UBXN2B: variants seen among roughly 807,000 people sequenced by gnomAD.
The protein encoded by UBXN2B is UBX domain-containing protein 2B.
A neutral mutation model predicts 37.5 loss-of-function variants in UBXN2B; 19 were observed. The ratio of observed to expected loss-of-function variants is 0.51; its 90% confidence interval spans 0.35 to 0.74. The LOEUF is 0.74. Among genes scored for constraint, UBXN2B ranks in the 30% least tolerant of loss-of-function variants. UBXN2B has a pLI of 0.01. For missense variants in UBXN2B, 370 were observed against 393.2 expected (o/e 0.94, Z 0.50); for synonymous variants, 145 against 143.8 (o/e 1.01, Z -0.06).
intron 2 of UBXN2B, among the ~76,000 whole-genome samples, chr8:58,418,388 G>A (rs1807840811): frequency 6.6e-6 from 1 of 151,326 alleles, no homozygotes; most frequent in Non-Finnish European, 1.5e-5. Flanking sequence ...TTCCTGTTTT[G>A]AATTTCTGAA....
chr8:58,449,623 G>C lies in UBXN2B; in HGVS notation c.*2072G>C, dbSNP rs1450707169. On this transcript the variant is annotated 3_prime_UTR_variant, in exon 8 of 8. Coordinates refer to ENST00000399598, the MANE Select transcript of UBXN2B (RefSeq NM_001077619.2). The stretch of plus-strand genomic sequence containing the variant: ...AGTTACACACGTTCCTGTTCAAAAA[G>C]CAGAAACAGATGGAAAAAGGAGCCA... 6.6e-6 allele frequency: 1 copy of C among 152,202 alleles called. No homozygotes were observed. The highest frequency in any genetic ancestry group is 1.9e-4 in the East Asian group (1 of 5,200). The allele number at this position is 152,202 out of a possible 1,614,324, so 9.4% of individuals were successfully genotyped here. A position where few individuals can be genotyped will look rare whatever the true frequency, so the allele number is the denominator to read the frequency against.
At chr8:58,432,056 C>T (rs2129604232) in intron 3 of UBXN2B, among the ~76,000 whole-genome samples, 1 of 152,284 alleles carries the variant, frequency 6.6e-6, no homozygotes, top group South Asian at 2.1e-4. Context: ...TTATCCTCAG[C>T]AGGATTTTTC....
intron 2 of UBXN2B, among the ~76,000 whole-genome samples, chr8:58,427,852 T>G (rs1808143880): frequency 6.6e-6 from 1 of 152,068 alleles, no homozygotes; most frequent in African/African-American, 2.4e-5. Context: ...TGAGCTTAAA[T>G]AGAGGGGAAT....
intron 5 of UBXN2B, among the ~76,000 whole-genome samples, chr8:58,436,975 C>A (rs760567430): frequency 3.3e-5 from 5 of 152,162 alleles, no homozygotes; most frequent in Admixed American, 6.5e-5. Context: ...TAGGGCATTG[C>A]TCTAAAGATA....
chr8:58,435,073 A>G, intron 5 of UBXN2B: 1 of 1,438,822 alleles, frequency 7.0e-7, no homozygotes, highest in Admixed American at 2.8e-5. Context: ...TTTTGCTATG[A>G]TAATAAAAGC....
At chr8:58,438,088 A>G (rs1260338471) in intron 5 of UBXN2B, among the ~76,000 whole-genome samples, 1 of 152,090 alleles carries the variant, frequency 6.6e-6, no homozygotes, top group African/African-American at 2.4e-5. Flanking sequence ...CTCCAGCCGC[A>G]GCTCAAAAAG....
rs754470490 is a variant in UBXN2B at position 58,443,638 on chromosome 8, C to CAA, written c.672-2250_672-2249dup. On this transcript the variant is annotated intron_variant, in intron 6 of 7. Coordinates refer to ENST00000399598, the MANE Select transcript of UBXN2B (RefSeq NM_001077619.2). ...CGAAACCCCATCTCTACTAAAAATC[C>CAA]AAAAAAAAAAAAAAAAAAAATTAGC... 2.3e-3 allele frequency among the ~76,000 whole-genome samples: 135 copies of CAA among 59,570 alleles called. 5 individuals are homozygous for CAA. The East Asian group carries it at 0.026, about 11-fold the overall frequency. 39.1% of individuals were successfully genotyped at this position (59,570 alleles called of 152,430 possible). A position where few individuals can be genotyped will look rare whatever the true frequency, so the allele number is the denominator to read the frequency against.
At chr8:58,438,392 G>C (rs942798365) in intron 5 of UBXN2B, among the ~76,000 whole-genome samples, 1 of 152,184 alleles carries the variant, frequency 6.6e-6, no homozygotes. Flanking sequence ...AAAGCCACAG[G>C]TCCTCACCTC....
chr8:58,446,779 A>ATTTTTTTTTTTTTTTTTTT lies in UBXN2B; in HGVS notation c.834-592_834-574dup, dbSNP rs869090698. 2.2e-3 allele frequency among the ~76,000 whole-genome samples: 39 copies of ATTTTTTTTTTTTTTTTTTT among 17,402 alleles called. 14 individuals carry two copies. The highest frequency in any genetic ancestry group is 2.6e-3 in the Non-Finnish European group (25 of 9,594). The allele number at this position is 17,402 out of a possible 152,430, so 11.4% of individuals were successfully genotyped here. ...ATACTCCGAAAAAAGTACAACCTGC[A>ATTTTTTTTTTTTTTTTTTT]TTTTTTTTTTTTTTTTTTTTTTTTT... On this transcript the variant is annotated intron_variant, in intron 7 of 7. Coordinates refer to ENST00000399598, the MANE Select transcript of UBXN2B (RefSeq NM_001077619.2).
intron 2 of UBXN2B, among the ~76,000 whole-genome samples, chr8:58,429,215 G>A (rs982427130): frequency 5.3e-5 from 8 of 152,132 alleles, no homozygotes; most frequent in Non-Finnish European, 8.8e-5. Context: ...TCCATTCCTC[G>A]TTTCCAGGGC....
intron 2 of UBXN2B, chr8:58,425,493 G>A (rs541621208): frequency 2.1e-4 from 234 of 1,115,878 alleles, no homozygotes; most frequent in Admixed American, 1.8e-3. Context: ...GATCACCATC[G>A]TGTAGGACAA....
chr8:58,426,202 CTTTT>C (rs34005463), intron 2 of UBXN2B: 2,777 of 316,554 alleles, frequency 8.8e-3, no homozygotes, highest in East Asian at 0.011. Flanking sequence ...TGTTCTGAAT[CTTTT>C]TTTTTTTTTT....
At chr8:58,419,493 C>T (rs1277988882) in intron 2 of UBXN2B, among the ~76,000 whole-genome samples, 1 of 152,158 alleles carries the variant, frequency 6.6e-6, no homozygotes. Flanking sequence ...TACAGAAAGA[C>T]CCTCAGGATA....
intron 5 of UBXN2B, among the ~76,000 whole-genome samples, chr8:58,438,524 A>C (rs1382591436): frequency 1.3e-5 from 2 of 152,156 alleles, no homozygotes; most frequent in African/African-American, 2.4e-5. Context: ...TTAAGATTTA[A>C]TGTCTGCCCT....
chr8:58,447,376 CTT>C lies in UBXN2B; in HGVS notation c.834-12_834-11del, dbSNP rs1165291837. On this transcript the variant is annotated splice_polypyrimidine_tract_variant and intron_variant, in intron 7 of 7. Transcript: ENST00000399598. ...TTTTTATATTACAAATTATTTTTGT[CTT>C]ATTTCTTCAGGATCCTGGATGTCCG... is the stretch of plus-strand genomic sequence containing the variant. 5 of 1,538,684 alleles carry C rather than the reference CTT, an allele frequency of 3.2e-6. No homozygotes were observed. In the African/African-American group the frequency reaches 6.9e-5, roughly 21 times the overall value.
At chr8:58,437,958 C>G (rs527819072) in intron 5 of UBXN2B, among the ~76,000 whole-genome samples, 14 of 151,756 alleles carry the variant, frequency 9.2e-5, no homozygotes, top group South Asian at 4.2e-4. Flanking sequence ...CAGCCCCCCC[C>G]CCAACCCCCA....
Position 58,425,160 on chromosome 8 carries a change from T to G in UBXN2B, c.189-5359T>G, listed in dbSNP as rs549812093. The G allele has an allele frequency of 5.3e-5, 46 of 875,170 alleles. 1 individual carries two copies. In the African/African-American group the frequency reaches 6.4e-4, roughly 12 times the overall value. The allele number at this position is 875,170 out of a possible 1,614,324, so 54.2% of individuals were successfully genotyped here. ...TCTCCATATTCCCTTGCCCAACCTT[T>G]GAAAGTTTAAGTTCTCTTAGCATAT... On this transcript the variant is annotated intron_variant, in intron 2 of 7. Coordinates refer to ENST00000399598, the MANE Select transcript of UBXN2B (RefSeq NM_001077619.2).
At chr8:58,425,315 T>G (rs1264067864) in intron 2 of UBXN2B, 6 of 1,160,524 alleles carry the variant, frequency 5.2e-6, no homozygotes, top group Non-Finnish European at 7.8e-6. Context: ...GTCATGACAA[T>G]CACTCAGGAG....
intron 5 of UBXN2B, chr8:58,434,711 C>A: frequency 7.6e-7 from 1 of 1,314,340 alleles, no homozygotes; most frequent in South Asian, 1.5e-5. Context: ...ATTTTGTGGG[C>A]CAGGGGCATT....
Sources: allele counts gnomAD v4.1 joint callset (sites outside exome capture counted in the v4.1 genomes callset), GRCh38; gene constraint gnomAD v4.1.1; transcripts MANE v1.5; gene names NCBI Gene and HGNC (gene_info 2026-07-23, HGNC 2026-07-21).